PIP4P1: variants seen among roughly 807,000 people sequenced by gnomAD.
The protein encoded by PIP4P1 is phosphatidylinositol-4,5-bisphosphate 4-phosphatase 1.
In PIP4P1, 14 loss-of-function variants were observed where a neutral mutation model predicts 32.3. That is an observed-to-expected ratio of 0.43 (90% confidence interval 0.29 to 0.68). The LOEUF (loss-of-function observed/expected upper bound fraction) is 0.68, where lower values mean the gene tolerates loss of function less well. Ranked by LOEUF, PIP4P1 falls within the 30% of genes least tolerant of loss-of-function variation. PIP4P1 has a pLI of 0.15. For synonymous variants in PIP4P1, 132 were observed against 137.9 expected, an observed-to-expected ratio of 0.96 and a Z score of 0.30; for missense variants, 289 against 364.5, an observed-to-expected ratio of 0.79 and a Z score of 1.69.
Position 20,459,226 on chromosome 14 carries a change from C to G in PIP4P1, c.670G>C (p.Val224Leu). 1 of 1,614,184 alleles carries G rather than the reference C, an allele frequency of 6.2e-7. No individual in the cohort carries two copies. The highest frequency in any genetic ancestry group is 1.1e-5 in the South Asian group (1 of 91,088). ...CTCACGGCAAGGCCAGTGGCAGTGA[C>G]TGCCAAAAGCAAGCCAAGCAAGAAG... The part of the protein sequence containing the change: ...CCFLLGLLLA[V>L]TATGLAFGTW... The change falls in exon 6 of 7, where the codon GTC (valine) becomes CTC (leucine). Residue 224 changes from valine (V) to leucine (L), a missense_variant. Physicochemically the swap from Val to Leu is conservative, Grantham distance 32. Around this residue, in one of 2 missense-constraint regions of PIP4P1, gnomAD observed 181 missense variants for 263.3 expected, o/e 0.69. Transcript: ENST00000250489.
Position 20,461,227 on chromosome 14 carries a change from C to G in PIP4P1, c.99G>C (p.Gly33=). The change falls in exon 1 of 7, where the codon GGG becomes GGC. Residue 33 remains glycine (G), a synonymous_variant. Coordinates refer to ENST00000250489, the MANE Select transcript of PIP4P1 (RefSeq NM_144568.4). ...GLVGPGGSGA[G]PGGGLTPSAP... ...CGGAGGGGGTCAGGCCTCCCCCGGG[C>G]CCAGCCCCACTCCCGCCGGGCCCCA... 7.9e-7 allele frequency: 1 copy of G among 1,258,392 alleles called. No homozygotes were observed. Among genetic ancestry groups the G allele is most frequent in the Non-Finnish European group, 1.0e-6 (1 of 996,454 alleles). The allele number at this position is 1,258,392 out of a possible 1,614,324, so 78.0% of individuals were successfully genotyped here.
At position 20,457,756 on chromosome 14, in the gene PIP4P1, G is replaced by A; in HGVS notation, c.*803C>T. On this transcript the variant is annotated 3_prime_UTR_variant, in exon 7 of 7. Transcript: ENST00000250489. The stretch of plus-strand genomic sequence containing the variant: ...TGAATTATCCACATGAAAATAAAGA[G>A]CCATAGTTTCAGCCTTGCTGTCTTC... The A allele has an allele frequency of 1.8e-6, 1 of 560,548 alleles. No homozygotes were observed. Among genetic ancestry groups the A allele is most frequent in the Non-Finnish European group, 3.1e-6 (1 of 319,264 alleles). 34.7% of individuals were successfully genotyped at this position (560,548 alleles called of 1,614,324 possible).
Position 20,460,761 on chromosome 14 carries a change from C to T in PIP4P1, c.227G>A (p.Ser76Asn), listed in dbSNP as rs989010090. The T allele has an allele frequency of 1.9e-6, 3 of 1,612,064 alleles. No individual in the cohort carries two copies. Among genetic ancestry groups the T allele is most frequent in the Admixed American group, 1.7e-5 (1 of 59,766 alleles). The change falls in exon 2 of 7, where the codon AGT becomes AAT. Residue 76 changes from serine (S) to asparagine (N), a missense_variant. Transcript: ENST00000250489. The stretch of plus-strand genomic sequence containing the variant: ...GCAGGTGATCATAGGGGCACTCCCA[C>T]TGTCCGGGCTAGTTAAGGGTGAATA... ...PPYSPLTSPD[S>N]GSAPMITCRV...
intron 6 of PIP4P1, 107 bp downstream of exon 6, chr14:20,459,099 C>G: frequency 8.3e-7 from 1 of 1,199,836 alleles, no homozygotes; most frequent in Non-Finnish European, 1.2e-6. Context: ...ACAAAACAAA[C>G]TAGTCCCCCA....
At position 20,461,282 on chromosome 14, in the gene PIP4P1, A is replaced by T. The variant is rs570514981; in HGVS notation, c.44T>A (p.Ile15Asn). ...ACCGTTGCCGCCCGCGCCACCGTCG[A>T]TGGGCTCAGACAGCAGCGGGGAACG... ...GERSPLLSEP[I>N]DGGAGGNGLV... is the part of the protein sequence containing the mutation. Residue 15 changes from isoleucine (I) to asparagine (N), a missense_variant, in exon 1 of 7, where the codon ATC (isoleucine) becomes AAC (asparagine). Ile to Asn is a moderately radical substitution (Grantham distance 149, BLOSUM62 -3). Coordinates refer to ENST00000250489, the MANE Select transcript of PIP4P1 (RefSeq NM_144568.4). 3.9e-6 allele frequency: 5 copies of T among 1,289,556 alleles called. No homozygotes were observed. In the South Asian group the frequency reaches 1.7e-4, roughly 44 times the overall value. 79.9% of individuals were successfully genotyped at this position (1,289,556 alleles called of 1,614,324 possible). A position where few individuals can be genotyped will look rare whatever the true frequency, so the allele number is the denominator to read the frequency against.
At chr14:20,461,066 C>A in intron 1 of PIP4P1, 118 bp downstream of exon 1, 1 of 1,265,706 alleles carries the variant, frequency 7.9e-7, no homozygotes, top group Non-Finnish European at 1.0e-6. Context: ...GCAGCAGTCC[C>A]GCACCTGGCG....
Position 20,458,240 on chromosome 14 carries a change from A to G in PIP4P1, c.*319T>C. On this transcript the variant is annotated 3_prime_UTR_variant, in exon 7 of 7. Transcript: ENST00000250489. ...CACCCTGCCCTGGAATGTGTAAGGGACAGGAATGGCTCTCAGGGAGCACAC... is the reference window on the plus strand; with the variant it reads ...CACCCTGCCCTGGAATGTGTAAGGGGCAGGAATGGCTCTCAGGGAGCACAC... 6.5e-6 allele frequency: 3 copies of G among 461,568 alleles called. No homozygotes were observed. The highest frequency in any genetic ancestry group is 6.7e-5 in the East Asian group (1 of 14,964). 28.6% of individuals were successfully genotyped at this position (461,568 alleles called of 1,614,324 possible). A position where few individuals can be genotyped will look rare whatever the true frequency, so the allele number is the denominator to read the frequency against.
rs1160347149 is a variant in PIP4P1 at position 20,459,403 on chromosome 14, G to A, written c.584C>T (p.Pro195Leu). 3 of 1,614,080 alleles carry A rather than the reference G, an allele frequency of 1.9e-6. No homozygotes were observed. Among genetic ancestry groups the A allele is most frequent in the Non-Finnish European group, 2.5e-6 (3 of 1,180,034 alleles). ...EFTDRTLARC[P>L]HCRKVSSIGR... is the part of the protein sequence containing the mutation. ...AATCACTTACACTTTCCTGCAGTGAGGACAACGTGCCAAAGTGCGGTCTGT... is the reference window on the plus strand; with the variant it reads ...AATCACTTACACTTTCCTGCAGTGAAGACAACGTGCCAAAGTGCGGTCTGT... Residue 195 changes from proline (P) to leucine (L), a missense_variant, in exon 5 of 7, where the codon CCT (proline) becomes CTT (leucine). Around this residue, in one of 2 missense-constraint regions of PIP4P1, gnomAD observed 181 missense variants for 263.3 expected, o/e 0.69. Coordinates refer to ENST00000250489, the MANE Select transcript of PIP4P1 (RefSeq NM_144568.4).
chr14:20,460,722 G>C lies in PIP4P1; in HGVS notation c.266C>G (p.Ser89Cys). 1 of 1,614,048 alleles carries C rather than the reference G, an allele frequency of 6.2e-7. No homozygotes were observed. Among genetic ancestry groups the C allele is most frequent in the Non-Finnish European group, 8.5e-7 (1 of 1,179,970 alleles). Residue 89 changes from serine (S) to cysteine (C), a missense_variant, in exon 2 of 7, where the codon TCT becomes TGT. This residue lies in a region of PIP4P1 where 181 missense variants were observed against 263.3 expected (regional missense o/e 0.69). Transcript: ENST00000250489. ...CATCTTGCCTTCCACGTTGATGAGAGATTGGCAGACTCGGCAGGTGATCAT... is the reference window on the plus strand; with the variant it reads ...CATCTTGCCTTCCACGTTGATGAGACATTGGCAGACTCGGCAGGTGATCAT... The part of the protein sequence containing the change: ...APMITCRVCQ[S>C]LINVEGKMHQ...
rs769815334 is a variant in PIP4P1, at chr14:20,460,828, C to CG, written c.159dup (p.Glu54ArgfsTer20). Reference sequence around the variant, plus strand: ...CCAGGCAACACGGCTGGATGCCCCTCGGGAAACGGGGGAAATGCTGGAGAG... The same window carrying CG: ...CCAGGCAACACGGCTGGATGCCCCTCGGGGAAACGGGGGAAATGCTGGAGAG... On this transcript the variant is annotated frameshift_variant, in exon 2 of 7. Coordinates refer to ENST00000250489, the MANE Select transcript of PIP4P1 (RefSeq NM_144568.4). LOFTEE classifies it high-confidence loss of function. The CG allele has an allele frequency of 6.4e-7, 1 of 1,556,476 alleles. No individual in the cohort carries two copies. The highest frequency in any genetic ancestry group is 8.7e-7 in the Non-Finnish European group (1 of 1,154,658).
At position 20,458,475 on chromosome 14, in the gene PIP4P1, G is replaced by A; in HGVS notation, c.*84C>T. On this transcript the variant is annotated 3_prime_UTR_variant, in exon 7 of 7. Transcript: ENST00000250489. ...GCTTGGCTTCCTTCTAGAAGCCCCG[G>A]GAGCCTTTAACTACCCCAGCTCCCT... 6.3e-7 allele frequency: 1 copy of A among 1,592,778 alleles called. No homozygotes were observed. The highest frequency in any genetic ancestry group is 8.6e-7 in the Non-Finnish European group (1 of 1,167,974).
Position 20,459,618 on chromosome 14 carries a change from C to G in PIP4P1, c.546+10G>C, listed in dbSNP as rs1713462. 5.8e-3 allele frequency: 9,389 copies of G among 1,611,520 alleles called. 413 individuals are homozygous for G. The African/African-American group carries it at 0.11, about 18-fold the overall frequency. On this transcript the variant is annotated intron_variant, in intron 4 of 6. Coordinates refer to ENST00000250489, the MANE Select transcript of PIP4P1 (RefSeq NM_144568.4). ...CCTTTCCCCTCCCCTTCCCAATACC[C>G]CTTCCTCACCAGAAAAGTATTCTTG... is the stretch of plus-strand genomic sequence containing the variant.
Position 20,461,358 on chromosome 14 carries a change from G to A in PIP4P1, c.-33C>T. On this transcript the variant is annotated 5_prime_UTR_variant, in exon 1 of 7. Coordinates refer to ENST00000250489, the MANE Select transcript of PIP4P1 (RefSeq NM_144568.4). ...ACCGCCGCCTCCCGCTCAGGTCGGC[G>A]ATCCGGCTCCCTTCGCCTCTGCCGT... The A allele has an allele frequency of 2.4e-6, 3 of 1,261,306 alleles. No homozygotes were observed. Among genetic ancestry groups the A allele is most frequent in the Non-Finnish European group, 3.0e-6 (3 of 1,003,992 alleles). The allele number at this position is 1,261,306 out of a possible 1,614,324, so 78.1% of individuals were successfully genotyped here.
intron 6 of PIP4P1, 118 bp downstream of exon 6, chr14:20,459,088 A>G (rs1881589822): frequency 4.5e-6 from 5 of 1,114,596 alleles, no homozygotes; most frequent in Non-Finnish European, 6.5e-6. Context: ...CATATCTTAA[A>G]ACAAAACAAA....
At chr14:20,460,895 T>C (rs543996369) in intron 1 of PIP4P1, 50 bp from the exon 2 acceptor site, 2 of 1,487,710 alleles carry the variant, frequency 1.3e-6, no homozygotes, top group South Asian at 1.4e-5. Context: ...CCCCCACTGA[T>C]GCTCCACGGT....
chr14:20,458,914 G>C, intron 6 of PIP4P1: 1 of 660,052 alleles, frequency 1.5e-6, no homozygotes, highest in Non-Finnish European at 2.5e-6. Context: ...CTGTATCTCA[G>C]TTTTTCTTAA....
chr14:20,460,310 T>A lies in PIP4P1; in HGVS notation c.334-12A>T, dbSNP rs771001499. On this transcript the variant is annotated splice_polypyrimidine_tract_variant and intron_variant, in intron 2 of 6. Coordinates refer to ENST00000250489, the MANE Select transcript of PIP4P1 (RefSeq NM_144568.4). ...GCATTCTTGATTGGCTAGAGAATAA[T>A]AGGGTCATCAGCAAGCAAACCTCTA... is the stretch of plus-strand genomic sequence containing the variant. 2 of 1,597,666 alleles carry A rather than the reference T, an allele frequency of 1.3e-6. No homozygotes were observed. The highest frequency in any genetic ancestry group is 2.2e-5 in the South Asian group (2 of 90,546).
chr14:20,460,374 G>A (rs1881656131), intron 2 of PIP4P1, 76 bp from the exon 3 acceptor site: 1 of 1,096,618 alleles, frequency 9.1e-7, no homozygotes, highest in African/African-American at 1.6e-5. Context: ...AACACTTTAT[G>A]AGATCAGAAA....
At position 20,460,991 on chromosome 14, in the gene PIP4P1, C is replaced by T; in HGVS notation, c.143-146G>A. The T allele has an allele frequency of 3.2e-6, 4 of 1,269,048 alleles. No individual in the cohort carries two copies. In the South Asian group the frequency reaches 7.2e-5, roughly 23 times the overall value. The allele number at this position is 1,269,048 out of a possible 1,614,324, so 78.6% of individuals were successfully genotyped here. ...GGCACTTCTATCAGGTTGCTCAGAA[C>T]CCCCTTCCGTCCCTAGGCTGTGGTC... On this transcript the variant is annotated intron_variant, in intron 1 of 6. Transcript: ENST00000250489.
Sources: gnomAD v4.1 joint callset for allele counts on GRCh38, gnomAD v4.1.1 for gene constraint, gnomAD v4.1.1 regional missense constraint, MANE v1.5 for transcripts, NCBI Gene and HGNC (gene_info 2026-07-23, HGNC 2026-07-21) for gene names.